The following ZNF407 variants were observed in gnomAD, a reference collection of about 807,000 sequenced individuals.
ZNF407 encodes the protein zinc finger protein 407.
A neutral mutation model predicts 131.2 loss-of-function variants in ZNF407; 17 were observed. The ratio of observed to expected loss-of-function variants is 0.13; its 90% CI spans 0.09 to 0.19. The LOEUF is 0.19. Among genes scored for constraint, ZNF407 ranks in the 10% least tolerant of loss-of-function variants. The probability of loss-of-function intolerance (pLI) is 1.00; values close to 1 mark genes in which losing one functional copy is unlikely to be tolerated. For missense variants in ZNF407, 2,681 were observed against 2,830.6 expected (o/e 0.95, Z 1.20); for synonymous variants, 1,156 against 1,062.0 (o/e 1.09, Z -1.72).
At chr18:74,618,696 T>C (rs1337188921) in intron 1 of ZNF407, among the ~76,000 whole-genome samples, 1 of 152,174 alleles carries the variant, frequency 6.6e-6, no homozygotes, top group African/African-American at 2.4e-5. Flanking sequence ...TAATATATTT[T>C]GGAAAGTATA....
At chr18:74,820,755 T>A (rs547350401) in intron 4 of ZNF407, among the ~76,000 whole-genome samples, 55 of 152,292 alleles carry the variant, frequency 3.6e-4, no homozygotes, top group African/African-American at 1.3e-3. Context: ...TGCCTCAGAT[T>A]GGGACCTACA....
intron 4 of ZNF407, among the ~76,000 whole-genome samples, chr18:74,864,266 A>G (rs956920693): frequency 2.6e-5 from 4 of 152,180 alleles, no homozygotes; most frequent in Non-Finnish European, 2.9e-5. Flanking sequence ...ACTACACCTT[A>G]TCCTAGGACT....
At chr18:75,026,684 G>A (rs1210804797) in intron 8 of ZNF407, among the ~76,000 whole-genome samples, 4 of 152,206 alleles carry the variant, frequency 2.6e-5, no homozygotes, top group African/African-American at 9.7e-5. Context: ...TTCTGCTACT[G>A]TTGTTTCCAA....
intron 8 of ZNF407, among the ~76,000 whole-genome samples, chr18:74,952,362 T>C (rs1368694355): frequency 6.6e-6 from 1 of 152,200 alleles, no homozygotes; most frequent in Non-Finnish European, 1.5e-5. Flanking sequence ...TGCGCTGTCA[T>C]GCTCATGGAG....
At chr18:74,612,483 T>C (rs1983106721) in intron 1 of ZNF407, among the ~76,000 whole-genome samples, 1 of 152,208 alleles carries the variant, frequency 6.6e-6, no homozygotes, top group African/African-American at 2.4e-5. Flanking sequence ...CTTTTCTGTT[T>C]GTGTGAAAAA....
chr18:74,881,244 C>G, intron 6 of ZNF407, 125 bp downstream of exon 6: 1 of 732,130 alleles, frequency 1.4e-6, no homozygotes, highest in Non-Finnish European at 2.1e-6. Context: ...ACTTGAAGGT[C>G]TACAGATAAT....
chr18:74,976,966 A>G (rs1429099333), intron 8 of ZNF407, among the ~76,000 whole-genome samples: 3 of 152,252 alleles, frequency 2.0e-5, no homozygotes, highest in Admixed American at 2.0e-4. Context: ...ATGCTAATGC[A>G]TAGGCTTCTG....
At chr18:74,788,738 T>C (rs898904833) in intron 4 of ZNF407, among the ~76,000 whole-genome samples, 1 of 150,486 alleles carries the variant, frequency 6.6e-6, no homozygotes, top group African/African-American at 2.4e-5. Context: ...TTATTGCTTC[T>C]AAGATTCATT....
intron 4 of ZNF407, among the ~76,000 whole-genome samples, chr18:74,825,867 T>C (rs182015613): frequency 1.3e-5 from 2 of 152,244 alleles, no homozygotes; most frequent in African/African-American, 4.8e-5. Context: ...GTTTAGGGTA[T>C]GTGGCGTATT....
In ZNF407 at chr18:74,634,255, A is replaced by G. The variant is rs754957581; in HGVS notation, c.3236A>G (p.Asn1079Ser). 1 of 1,614,016 alleles carries G rather than the reference A, an allele frequency of 6.2e-7. No individual in the cohort carries two copies. Among genetic ancestry groups the G allele is most frequent in the Non-Finnish European group, 8.5e-7 (1 of 1,179,900 alleles). The change falls in exon 2 of 9, where the codon AAC becomes AGC. Residue 1079 changes from asparagine to serine, a missense_variant. Physicochemically the swap from Asn to Ser is conservative, Grantham distance 46. This residue lies in a region of ZNF407 where 1,789 missense variants were observed against 1,748.7 expected (regional missense o/e 1.02). Transcript: ENST00000299687. Reference sequence around the variant, plus strand: ...AAAATGAAAAGGCAGTCTTATCTCAACTCTGCTAATGTAGAAGCTGGTTCT... The same window carrying G: ...AAAATGAAAAGGCAGTCTTATCTCAGCTCTGCTAATGTAGAAGCTGGTTCT... The part of the protein sequence containing the change: ...KHKMKRQSYL[N>S]SANVEAGSAD...
Position 74,631,731 on chromosome 18 carries a change from C to A in ZNF407, c.712C>A (p.His238Asn), listed in dbSNP as rs1208913584. ...ACTACATATGCATATCAAACAAGCA[C>A]ATGGGCCACAGAAGGTCTTTTCCTG... The part of the protein sequence containing the change: ...SALHMHIKQA[H>N]GPQKVFSCDL... Residue 238 changes from histidine (H) to asparagine (N), a missense_variant, in exon 2 of 9, where the codon CAT (histidine) becomes AAT (asparagine). By Grantham distance (68) the His-to-Asn change is moderately conservative. This residue lies in a region of ZNF407 where 1,789 missense variants were observed against 1,748.7 expected (regional missense o/e 1.02). Transcript: ENST00000299687. The A allele has an allele frequency of 6.2e-7, 1 of 1,613,900 alleles. No homozygotes were observed. Among genetic ancestry groups the A allele is most frequent in the African/African-American group, 1.3e-5 (1 of 74,934 alleles).
intron 4 of ZNF407, among the ~76,000 whole-genome samples, chr18:74,803,047 T>G (rs548523395): frequency 6.6e-6 from 1 of 152,268 alleles, no homozygotes; most frequent in East Asian, 1.9e-4. Context: ...TTTTAAATAA[T>G]TATATTGAGA....
At chr18:74,839,326 C>A (rs1970600350) in intron 4 of ZNF407, among the ~76,000 whole-genome samples, 1 of 152,186 alleles carries the variant, frequency 6.6e-6, no homozygotes, top group Admixed American at 6.5e-5. Context: ...TACACACACA[C>A]TGGAGATTAA....
chr18:74,801,318 T>G (rs1970015528), intron 4 of ZNF407, among the ~76,000 whole-genome samples: 1 of 152,294 alleles, frequency 6.6e-6, no homozygotes, highest in Admixed American at 6.5e-5. Context: ...ATTAATTTCA[T>G]AAGGCTTCAT....
rs1405127010 is a variant in ZNF407 at position 74,634,392 on chromosome 18, G to A, written c.3373G>A (p.Ala1125Thr). Residue 1125 changes from alanine (A) to threonine (T), a missense_variant, in exon 2 of 9, where the codon GCA becomes ACA. Ala to Thr is a moderately conservative substitution (Grantham distance 58, BLOSUM62 0). Coordinates refer to ENST00000299687, the MANE Select transcript of ZNF407 (RefSeq NM_017757.3). ...PSDTLKSRNAADCSILNENTN... is the reference protein window; with the variant it reads ...PSDTLKSRNATDCSILNENTN... ...TGATACTCTTAAATCTAGAAATGCT[G>A]CAGATTGCTCTATTTTAAATGAGAA... is the stretch of plus-strand genomic sequence containing the variant. The A allele has an allele frequency of 6.2e-7, 1 of 1,613,544 alleles. No homozygotes were observed. Among genetic ancestry groups the A allele is most frequent in the Non-Finnish European group, 8.5e-7 (1 of 1,179,864 alleles).
chr18:75,042,640 G>T (rs1973386972), intron 8 of ZNF407, among the ~76,000 whole-genome samples: 1 of 152,164 alleles, frequency 6.6e-6, no homozygotes, highest in African/African-American at 2.4e-5. Flanking sequence ...GTATACAGTT[G>T]GATGTGTTTT....
At chr18:74,690,416 A>G (rs996370941) in intron 3 of ZNF407, among the ~76,000 whole-genome samples, 2 of 151,326 alleles carry the variant, frequency 1.3e-5, no homozygotes, top group Non-Finnish European at 2.9e-5. Context: ...GGGAAATGTC[A>G]TCCAGCTGGA....
chr18:74,853,959 C>A (rs1970824191), intron 4 of ZNF407, among the ~76,000 whole-genome samples: 1 of 152,202 alleles, frequency 6.6e-6, no homozygotes, highest in Admixed American at 6.5e-5. Flanking sequence ...AGCCACTGGA[C>A]AAATTTTAAT....
intron 8 of ZNF407, among the ~76,000 whole-genome samples, chr18:75,056,951 C>A (rs1973568691): frequency 6.6e-6 from 1 of 152,092 alleles, no homozygotes; most frequent in Non-Finnish European, 1.5e-5. Context: ...AGTATGATTT[C>A]TTAACATTCT....
Sources: allele counts gnomAD v4.1 joint callset (sites outside exome capture counted in the v4.1 genomes callset), GRCh38; gene constraint gnomAD v4.1.1; regional missense constraint gnomAD v4.1.1; transcripts MANE v1.5; gene names NCBI Gene and HGNC (gene_info 2026-07-23, HGNC 2026-07-21).